Variants in CFAP44 observed in about 807,000 individuals in gnomAD.
The protein encoded by CFAP44 is cilia and flagella associated protein 44.
In CFAP44, 134 loss-of-function variants were observed where a neutral mutation model predicts 216.2. The observed-to-expected ratio is 0.62, with a 90% CI of 0.54 to 0.72. The LOEUF is 0.72. Among genes scored for constraint, CFAP44 ranks in the 30% least tolerant of loss-of-function variants. The pLI, the probability that CFAP44 is intolerant of heterozygous loss-of-function variation, is 0.00. For missense variants in CFAP44, 2,035 were observed against 2,182.1 expected (o/e 0.93, Z 1.34); for synonymous variants, 700 against 727.6 (o/e 0.96, Z 0.61).
chr3:113,344,412 T>G, intron 23 of CFAP44, 104 bp downstream of exon 23: 1 of 971,040 alleles, frequency 1.0e-6, no homozygotes, highest in Non-Finnish European at 1.5e-6. Context: ...GGGCAAGAGA[T>G]TGAGCTCAAG....
At position 113,407,482 on chromosome 3, in the gene CFAP44, T is replaced by C. The variant is rs537925630; in HGVS notation, c.891-441A>G. Reference sequence around the variant, plus strand: ...ATTCCCAGTCTGTCAGAAAGTTCTATTAGACAGTATTGTTTTAGAAGACAT... The same window carrying C: ...ATTCCCAGTCTGTCAGAAAGTTCTACTAGACAGTATTGTTTTAGAAGACAT... On this transcript the variant is annotated intron_variant, in intron 7 of 34. Coordinates refer to ENST00000393845, the MANE Select transcript of CFAP44 (RefSeq NM_001164496.2). Among the ~76,000 whole-genome samples, 10 of 152,344 alleles carry C rather than the reference T, an allele frequency of 6.6e-5. 1 individual carries two copies. The South Asian group carries it at 1.9e-3, about 28-fold the overall frequency.
intron 24 of CFAP44, among the ~76,000 whole-genome samples, chr3:113,339,946 G>T (rs560686490): frequency 6.6e-6 from 1 of 152,324 alleles, no homozygotes; most frequent in East Asian, 1.9e-4. Context: ...TCTAATCCTT[G>T]TATCTGTCCC....
intron 7 of CFAP44, 116 bp from the exon 8 acceptor site, chr3:113,407,157 CATTT>C (rs140040978): frequency 0.036 from 28,801 of 790,026 alleles, 743 homozygotes; most frequent in East Asian, 0.1. Context: ...TTCATTCATT[CATTT>C]ATCTGATTAA....
At chr3:113,333,354 A>G in intron 25 of CFAP44, 52 bp downstream of exon 25, 2 of 1,481,788 alleles carry the variant, frequency 1.3e-6, no homozygotes, top group East Asian at 5.0e-5. Flanking sequence ...GCAGAATTTA[A>G]TTAAGAACCC....
At chr3:113,381,084 T>C in intron 15 of CFAP44, 24 bp from the exon 16 acceptor site, 1 of 1,522,870 alleles carries the variant, frequency 6.6e-7, no homozygotes. Flanking sequence ...ATTGAACATA[T>C]TTACATTTAG....
At chr3:113,392,057 A>G (rs1020378113) in intron 15 of CFAP44, among the ~76,000 whole-genome samples, 32 of 152,200 alleles carry the variant, frequency 2.1e-4, no homozygotes, top group African/African-American at 5.3e-4. Context: ...ACCCAAAAGA[A>G]AGGAAATCAG....
chr3:113,357,240 C>G lies in CFAP44; in HGVS notation c.3065+1505G>C, dbSNP rs539692510. Among the ~76,000 whole-genome samples the G allele has an allele frequency of 3.1e-4, 47 of 152,164 alleles. 1 individual carries two copies. Among genetic ancestry groups the G allele is most frequent in the South Asian group, 4.2e-4 (2 of 4,814 alleles). Reference sequence around the variant, plus strand: ...ATGAGTATTATGGATTTGTGTCCCCCCAAAAAGCTATGTTGAGGCCCTAAC... The same window carrying G: ...ATGAGTATTATGGATTTGTGTCCCCGCAAAAAGCTATGTTGAGGCCCTAAC... On this transcript the variant is annotated intron_variant, in intron 22 of 34. Transcript: ENST00000393845.
intron 32 of CFAP44, 126 bp from the exon 33 acceptor site, chr3:113,297,011 A>T: frequency 8.7e-7 from 1 of 1,152,598 alleles, no homozygotes. Context: ...GCCATCAGTG[A>T]TTTTTCTTCT....
intron 28 of CFAP44, among the ~76,000 whole-genome samples, chr3:113,314,435 T>C (rs1950068906): frequency 6.6e-6 from 1 of 152,090 alleles, no homozygotes; most frequent in Admixed American, 6.5e-5. Flanking sequence ...CAAGTGAAAA[T>C]GTCTTTCAAA....
At chr3:113,304,241 C>T (rs1247955593) in intron 31 of CFAP44, 124 bp from the exon 32 acceptor site, 7 of 945,078 alleles carry the variant, frequency 7.4e-6, no homozygotes, top group African/African-American at 1.7e-5. Flanking sequence ...TGGGCTTCTA[C>T]GTCTTCCTTA....
intron 15 of CFAP44, among the ~76,000 whole-genome samples, chr3:113,392,682 T>C (rs1343950125): frequency 6.6e-6 from 1 of 152,058 alleles, no homozygotes; most frequent in Admixed American, 6.6e-5. Flanking sequence ...TAAATACATA[T>C]ATCTACCATG....
rs760983812 is a variant in CFAP44, at chr3:113,420,095, T to C, written c.492A>G (p.Gln164=). The C allele has an allele frequency of 4.3e-6, 7 of 1,613,936 alleles. No individual in the cohort carries two copies. The highest frequency in any genetic ancestry group is 3.3e-5 in the Admixed American group (2 of 59,982). Reference sequence around the variant, plus strand: ...TGGTTTTCAAATTCAGAAAGATCAGTTGGTTCCCAGCTATGTATATGGCGA... The same window carrying C: ...TGGTTTTCAAATTCAGAAAGATCAGCTGGTTCCCAGCTATGTATATGGCGA... ...DSIAIYIAGN[Q]LIFLNLKTKE... The change falls in exon 5 of 35, where the codon CAA becomes CAG. Residue 164 remains glutamine, a synonymous_variant. Coordinates refer to ENST00000393845, the MANE Select transcript of CFAP44 (RefSeq NM_001164496.2).
chr3:113,379,689 G>A (rs1356984284), intron 16 of CFAP44, 138 bp from the exon 17 acceptor site: 12 of 613,690 alleles, frequency 2.0e-5, no homozygotes, highest in African/African-American at 3.8e-5. Context: ...TCACCAATGC[G>A]AGAATATATT....
chr3:113,412,636 T>C (rs2107379334), intron 6 of CFAP44, among the ~76,000 whole-genome samples: 1 of 152,256 alleles, frequency 6.6e-6, no homozygotes, highest in Middle Eastern at 3.4e-3. Context: ...TGGTTTTCTG[T>C]TCCTGTGTTA....
chr3:113,379,377 A>T lies in CFAP44; in HGVS notation c.2227T>A (p.Phe743Ile), dbSNP rs564617333. The change falls in exon 17 of 35, where the codon TTT becomes ATT. Residue 743 changes from phenylalanine (F) to isoleucine (I), a missense_variant. Transcript: ENST00000393845. ...EEEEEPLPEI[F>I]IPSTPSPILC... ...ATGGGAGAGGGGGTTGACGGAATAAATATTTCAGGTAATGGCTCTTCTTCC... is the reference window on the plus strand; with the variant it reads ...ATGGGAGAGGGGGTTGACGGAATAATTATTTCAGGTAATGGCTCTTCTTCC... 6 of 1,613,156 alleles carry T rather than the reference A, an allele frequency of 3.7e-6. No individual in the cohort carries two copies. Among genetic ancestry groups the T allele is most frequent in the Non-Finnish European group, 5.1e-6 (6 of 1,179,444 alleles).
intron 9 of CFAP44, among the ~76,000 whole-genome samples, chr3:113,403,142 A>G (rs1934186906): frequency 2.6e-5 from 4 of 152,222 alleles, no homozygotes; most frequent in Non-Finnish European, 5.9e-5. Context: ...AAAGAATGTC[A>G]ATAGAACACT....
chr3:113,301,456 G>A (rs1311787216), intron 32 of CFAP44, among the ~76,000 whole-genome samples: 1 of 151,920 alleles, frequency 6.6e-6, no homozygotes, highest in Non-Finnish European at 1.5e-5. Context: ...GGGTGGGTGG[G>A]TTCATTCTGT....
intron 9 of CFAP44, among the ~76,000 whole-genome samples, chr3:113,402,063 T>C (rs1934156664): frequency 6.6e-6 from 1 of 152,208 alleles, no homozygotes; most frequent in Admixed American, 6.5e-5. Flanking sequence ...AAAGTGGCCA[T>C]AGGAGTATAT....
intron 27 of CFAP44, 124 bp downstream of exon 27, chr3:113,327,492 G>A (rs1265642479): frequency 2.5e-6 from 2 of 800,600 alleles, no homozygotes; most frequent in East Asian, 5.6e-5. Context: ...AGGAGGAGGG[G>A]GAAAGAAGAC....
Sources: gnomAD v4.1 joint callset for allele counts (sites outside exome capture counted in the v4.1 genomes callset) on GRCh38, gnomAD v4.1.1 for gene constraint, MANE v1.5 for transcripts, NCBI Gene and HGNC (gene_info 2026-07-23, HGNC 2026-07-21) for gene names.